R3HDM1: variants seen among roughly 807,000 people sequenced by gnomAD.
R3HDM1 encodes the protein R3H domain-containing protein 1.
R3HDM1 carries 46 observed loss-of-function variants against 141.1 expected under a neutral mutation model. The observed-to-expected ratio is 0.33, with a 90% CI of 0.26 to 0.42. The LOEUF (loss-of-function observed/expected upper bound fraction) is 0.42, where lower values mean the gene tolerates loss of function less well. Among genes scored for constraint, R3HDM1 ranks in the 10% least tolerant of loss-of-function variants. The pLI is 1.00. For missense variants in R3HDM1, 1,184 were observed against 1,368.3 expected (o/e 0.87, Z 2.12); for synonymous variants, 435 against 472.9 (o/e 0.92, Z 1.04).
At chr2:135,570,405 A>T (rs563981299) in intron 1 of R3HDM1, among the ~76,000 whole-genome samples, 17 of 152,346 alleles carry the variant, frequency 1.1e-4, no homozygotes, top group African/African-American at 3.8e-4. Context: ...CAAACAAAAA[A>T]TCTTTCATTT....
intron 19 of R3HDM1, chr2:135,669,182 A>C (rs1490645352): frequency 3.0e-6 from 3 of 984,796 alleles, no homozygotes; most frequent in Non-Finnish European, 3.6e-6. Context: ...GAAATACATC[A>C]GTAGTAAACC....
At chr2:135,624,947 G>A (rs1207431163) in intron 7 of R3HDM1, among the ~76,000 whole-genome samples, 1 of 152,180 alleles carries the variant, frequency 6.6e-6, no homozygotes, top group Non-Finnish European at 1.5e-5. Flanking sequence ...CAAAAACAGG[G>A]CCTGGTGGCA....
intron 1 of R3HDM1, among the ~76,000 whole-genome samples, chr2:135,585,437 G>A (rs1221256614): frequency 6.6e-6 from 1 of 152,150 alleles, no homozygotes; most frequent in East Asian, 1.9e-4. Context: ...TGCAGGTAAC[G>A]TATGAGCATT....
intron 24 of R3HDM1, among the ~76,000 whole-genome samples, chr2:135,717,787 C>T (rs2076315415): frequency 6.6e-6 from 1 of 152,186 alleles, no homozygotes; most frequent in African/African-American, 2.4e-5. Context: ...AAAGGTATGG[C>T]AGTTTCCTAA....
intron 3 of R3HDM1, among the ~76,000 whole-genome samples, chr2:135,613,764 C>G (rs189152429): frequency 2.2e-4 from 33 of 152,240 alleles, no homozygotes; most frequent in African/African-American, 7.9e-4. Flanking sequence ...TGCAGTGATC[C>G]AATATCACGC....
chr2:135,651,611 A>G (rs769771055), intron 17 of R3HDM1, 119 bp from the exon 18 acceptor site: 1 of 1,347,980 alleles, frequency 7.4e-7, no homozygotes, highest in Non-Finnish European at 9.6e-7. Context: ...TGTTGTTGAT[A>G]TATATAATTT....
At chr2:135,602,880 G>GTT (rs146384697) in intron 2 of R3HDM1, among the ~76,000 whole-genome samples, 172 bp downstream of exon 2, 89 of 151,738 alleles carry the variant, frequency 5.9e-4, no homozygotes, top group East Asian at 1.9e-4. Context: ...GGAAGACATG[G>GTT]TTTTCTTTTT....
At chr2:135,574,952 G>T (rs1181369527) in intron 1 of R3HDM1, among the ~76,000 whole-genome samples, 1 of 152,100 alleles carries the variant, frequency 6.6e-6, no homozygotes, top group African/African-American at 2.4e-5. Flanking sequence ...ACATTATAAT[G>T]GAGGTATTAA....
At chr2:135,680,987 A>G (rs780673305) in intron 21 of R3HDM1, among the ~76,000 whole-genome samples, 1 of 152,224 alleles carries the variant, frequency 6.6e-6, no homozygotes, top group Non-Finnish European at 1.5e-5. Flanking sequence ...GCAGTGAAAT[A>G]TCTTGCTGGA....
intron 21 of R3HDM1, among the ~76,000 whole-genome samples, chr2:135,704,486 T>C (rs1029009063): frequency 1.3e-5 from 2 of 152,028 alleles, no homozygotes; most frequent in Admixed American, 6.6e-5. Context: ...GCTTTTTTTT[T>C]TTTTTTGAGA....
intron 21 of R3HDM1, among the ~76,000 whole-genome samples, chr2:135,683,651 A>G (rs935253722): frequency 6.6e-6 from 1 of 152,124 alleles, no homozygotes; most frequent in Non-Finnish European, 1.5e-5. Context: ...CATTCTTTAC[A>G]GAAAATGTCA....
Position 135,573,197 on chromosome 2 carries a change from G to A in R3HDM1, c.-249-29303G>A, listed in dbSNP as rs774198497. ...TTACCAAAAGAAAATTTTCAAGGAG[G>A]ACTTCCAAATAGCTAAAGACAGTAG... On this transcript the variant is annotated intron_variant, in intron 1 of 26. Transcript: ENST00000683871. 2.6e-4 allele frequency among the ~76,000 whole-genome samples: 40 copies of A among 152,266 alleles called. 1 individual carries two copies. Among genetic ancestry groups the A allele is most frequent in the Middle Eastern group, 3.4e-3 (1 of 294 alleles).
intron 3 of R3HDM1, chr2:135,607,126 C>G (rs1268584974): frequency 6.2e-6 from 1 of 160,688 alleles, no homozygotes; most frequent in African/African-American, 2.4e-5. Flanking sequence ...GTAGCTGGGA[C>G]TACAGGCGTG....
chr2:135,600,672 T>C (rs768101227), intron 1 of R3HDM1, among the ~76,000 whole-genome samples: 5 of 152,224 alleles, frequency 3.3e-5, no homozygotes, highest in African/African-American at 4.8e-5. Flanking sequence ...CTATATGCCA[T>C]TGACTCCTTC....
intron 23 of R3HDM1, among the ~76,000 whole-genome samples, chr2:135,711,091 A>T (rs2075572854): frequency 6.6e-6 from 1 of 152,256 alleles, no homozygotes; most frequent in South Asian, 2.1e-4. Flanking sequence ...CATGTGGTAT[A>T]GAAGGAAGTA....
intron 1 of R3HDM1, chr2:135,583,902 T>A: frequency 2.0e-6 from 2 of 985,440 alleles, no homozygotes; most frequent in Non-Finnish European, 2.4e-6. Context: ...TTCAGATGGG[T>A]ATTATCTTTT....
rs115982747 is a variant in R3HDM1, at chr2:135,570,496, G to A, written c.-249-32004G>A. Among the ~76,000 whole-genome samples, 494 of 152,306 alleles carry A rather than the reference G, an allele frequency of 3.2e-3. 3 individuals carry two copies. The highest frequency in any genetic ancestry group is 0.011 in the African/African-American group (468 of 41,564). ...TCTATTTTGTATAACTTAATTAGCA[G>A]CTGAAAAGAGGAGAGAAAACTTGTT... On this transcript the variant is annotated intron_variant, in intron 1 of 26. Coordinates refer to ENST00000683871, the MANE Select transcript of R3HDM1 (RefSeq NM_001378107.1).
intron 1 of R3HDM1, among the ~76,000 whole-genome samples, chr2:135,544,703 G>A (rs901154071): frequency 6.6e-6 from 1 of 152,208 alleles, no homozygotes; most frequent in African/African-American, 2.4e-5. Context: ...ACTCACGCCT[G>A]TAATCCCAGC....
chr2:135,657,598 A>G (rs1316855197), intron 18 of R3HDM1, among the ~76,000 whole-genome samples: 1 of 152,092 alleles, frequency 6.6e-6, no homozygotes, highest in African/African-American at 2.4e-5. Context: ...ACCTAGGAAT[A>G]TTATGCCTGG....
Sources: allele counts gnomAD v4.1 joint callset (sites outside exome capture counted in the v4.1 genomes callset), GRCh38; gene constraint gnomAD v4.1.1; transcripts MANE v1.5; gene names NCBI Gene and HGNC (gene_info 2026-07-23, HGNC 2026-07-21).